PHEX: variants seen among roughly 807,000 people sequenced by gnomAD.
PHEX encodes the protein phosphate-regulating neutral endopeptidase PHEX.
A neutral mutation model predicts 68.0 loss-of-function variants in PHEX; 16 were observed. That is an observed-to-expected ratio of 0.24 (90% CI 0.16 to 0.36). The LOEUF (loss-of-function observed/expected upper bound fraction) is 0.36. PHEX is among the 10% of genes least tolerant of loss of function. The pLI is 1.00. For synonymous variants in PHEX, 208 were observed against 205.1 expected (o/e 1.01, Z -0.12); for missense variants, 480 against 575.5 (o/e 0.83, Z 1.70).
Position 22,250,437 on chromosome X carries a change from T to C in PHEX, c.*2484T>C, listed in dbSNP as rs988496330. Reference sequence around the variant, plus strand: ...GGAGAGCCATGAAGTTTTACAAAAATAATTATGGTAAATTAAAAGGATATT... The same window carrying C: ...GGAGAGCCATGAAGTTTTACAAAAACAATTATGGTAAATTAAAAGGATATT... On this transcript the variant is annotated 3_prime_UTR_variant, in exon 22 of 22. Coordinates refer to ENST00000379374, the MANE Select transcript of PHEX (RefSeq NM_000444.6). 9.0e-6 allele frequency: 1 copy of C among 111,713 alleles called. No individual in the cohort carries two copies. 9.2% of individuals were successfully genotyped at this position (111,713 alleles called of 1,213,427 possible). A position where few individuals can be genotyped will look rare whatever the true frequency, so the allele number is the denominator to read the frequency against.
intron 11 of PHEX, among the ~76,000 whole-genome samples, chrX:22,131,996 G>A (rs776430803): frequency 1.8e-5 from 2 of 112,273 alleles, no homozygotes; most frequent in Admixed American, 9.4e-5. Context: ...AGCCAGGCAC[G>A]TACATCCTCA....
intron 3 of PHEX, among the ~76,000 whole-genome samples, chrX:22,060,487 T>C (rs1009169567): frequency 2.7e-5 from 3 of 111,562 alleles, no homozygotes; most frequent in Admixed American, 9.6e-5. Context: ...ATAAGAGATG[T>C]TGAAATCCAT....
At position 22,033,130 on chromosome X, in the gene PHEX, G is replaced by T. The variant is rs534550003; in HGVS notation, c.118+7G>T. On this transcript the variant is annotated splice_region_variant and intron_variant, in intron 1 of 21. Coordinates refer to ENST00000379374, the MANE Select transcript of PHEX (RefSeq NM_000444.6). ...GGCACGATCCTCTTTCTAGGTAAGTGGAGTGCAGGAGGCCGGGGGAACTGG... is the reference window on the plus strand; with the variant it reads ...GGCACGATCCTCTTTCTAGGTAAGTTGAGTGCAGGAGGCCGGGGGAACTGG... The T allele has an allele frequency of 2.2e-3, 2,507 of 1,114,736 alleles. 37 individuals carry two copies. The South Asian group carries it at 0.043, about 19-fold the overall frequency. The allele number at this position is 1,114,736 out of a possible 1,213,427, so 91.9% of individuals were successfully genotyped here.
intron 3 of PHEX, among the ~76,000 whole-genome samples, chrX:22,061,356 ACCCCC>A (rs1928354992): frequency 2.7e-5 from 3 of 111,357 alleles, no homozygotes; most frequent in African/African-American, 9.8e-5. Flanking sequence ...CTATGCTCTC[ACCCCC>A]AATTCTGAGA....
At chrX:22,177,882 G>A (rs1302822098) in intron 13 of PHEX, among the ~76,000 whole-genome samples, 3 of 111,827 alleles carry the variant, frequency 2.7e-5, no homozygotes, top group African/African-American at 9.8e-5. Context: ...AAAAACTTAC[G>A]TGACAAATTA....
At chrX:22,134,245 G>A (rs1932137671) in intron 12 of PHEX, among the ~76,000 whole-genome samples, 1 of 112,113 alleles carries the variant, frequency 8.9e-6, no homozygotes, top group Non-Finnish European at 1.9e-5. Context: ...CTGATACTAT[G>A]CGACACGATA....
chrX:22,096,433 G>A (rs1930138253), intron 7 of PHEX, among the ~76,000 whole-genome samples: 1 of 111,879 alleles, frequency 8.9e-6, no homozygotes, highest in Non-Finnish European at 1.9e-5. Flanking sequence ...CCAGCAATGG[G>A]GCTAGGGAAA....
chrX:22,177,165 A>G (rs1237629008), intron 13 of PHEX, among the ~76,000 whole-genome samples: 1 of 111,752 alleles, frequency 8.9e-6, no homozygotes, highest in Non-Finnish European at 1.9e-5. Context: ...TGAGCCAGAC[A>G]TTGGTCAACA....
chrX:22,110,367 CAAAT>C (rs1030531892), intron 9 of PHEX, among the ~76,000 whole-genome samples: 2 of 112,319 alleles, frequency 1.8e-5, no homozygotes, highest in African/African-American at 6.5e-5. Flanking sequence ...TTAAGAAAGA[CAAAT>C]AAAAGCAAGT....
chrX:22,044,939 C>G (rs941465218), intron 2 of PHEX, among the ~76,000 whole-genome samples: 1 of 109,058 alleles, frequency 9.2e-6, no homozygotes, highest in East Asian at 2.8e-4. Flanking sequence ...CTCAAGTGAT[C>G]TGCCCACCTC....
At chrX:22,149,089 C>A (rs761107329) in intron 12 of PHEX, among the ~76,000 whole-genome samples, 3 of 111,839 alleles carry the variant, frequency 2.7e-5, no homozygotes, top group Admixed American at 1.9e-4. Flanking sequence ...ATTATAGACA[C>A]CCCCTCCACT....
chrX:22,217,997 C>T (rs752056810), intron 16 of PHEX, among the ~76,000 whole-genome samples: 17 of 110,191 alleles, frequency 1.5e-4, no homozygotes, highest in South Asian at 8.0e-4. Flanking sequence ...TGGTGCTGGC[C>T]GGGGTCGCTC....
At chrX:22,205,829 C>T (rs940245466) in intron 15 of PHEX, among the ~76,000 whole-genome samples, 3 of 111,645 alleles carry the variant, frequency 2.7e-5, no homozygotes, top group Non-Finnish European at 3.8e-5. Flanking sequence ...GTAAAGTGAA[C>T]GCAACAATGA....
At position 22,226,515 on chromosome X, in the gene PHEX, G is replaced by A. The variant is rs369774046; in HGVS notation, c.1965+7G>A. On this transcript the variant is annotated splice_region_variant and intron_variant, in intron 19 of 21. Transcript: ENST00000379374. Reference sequence around the variant, plus strand: ...CCTGCGGGAAGCTTTTAGGGTATGCGCTGCTACATTTACCGTGGTTCTAAA... The same window carrying A: ...CCTGCGGGAAGCTTTTAGGGTATGCACTGCTACATTTACCGTGGTTCTAAA... The A allele has an allele frequency of 2.1e-5, 25 of 1,182,651 alleles. 1 individual carries two copies. Among genetic ancestry groups the A allele is most frequent in the Middle Eastern group, 4.6e-4 (2 of 4,315 alleles).
chrX:22,193,862 C>G (rs1224122106), intron 15 of PHEX, among the ~76,000 whole-genome samples: 3 of 112,218 alleles, frequency 2.7e-5, no homozygotes, highest in Admixed American at 9.4e-5. Context: ...AGCTGGTGTT[C>G]CAAAGTACAG....
chrX:22,107,535 G>A (rs768366497), intron 9 of PHEX, among the ~76,000 whole-genome samples: 1 of 111,743 alleles, frequency 8.9e-6, no homozygotes, highest in East Asian at 2.8e-4. Context: ...AGTGTGGCTG[G>A]CCTTTCTGCC....
intron 18 of PHEX, 26 bp downstream of exon 18, chrX:22,221,769 G>T: frequency 8.4e-7 from 1 of 1,184,392 alleles, no homozygotes; most frequent in Non-Finnish European, 1.1e-6. Context: ...GCTAAGGGGG[G>T]CACCTTGTGG....
At position 22,194,752 on chromosome X, in the gene PHEX, T is replaced by A. The variant is rs148780915; in HGVS notation, c.1645+4250T>A. 6.9e-3 allele frequency among the ~76,000 whole-genome samples: 771 copies of A among 112,395 alleles called. 4 individuals are homozygous for A. Among genetic ancestry groups the A allele is most frequent in the African/African-American group, 0.024 (733 of 30,976 alleles). On this transcript the variant is annotated intron_variant, in intron 15 of 21. Transcript: ENST00000379374. ...CCTATGATTTGTGGCCATCTTTCAA[T>A]GTTAGATTTTTACAGGGTGGTTACA...
chrX:22,128,140 C>T (rs921621354), intron 11 of PHEX, among the ~76,000 whole-genome samples: 2 of 111,163 alleles, frequency 1.8e-5, no homozygotes, highest in African/African-American at 6.5e-5. Context: ...CTCACTGCAA[C>T]CTCCGCCTCG....
Sources: allele counts gnomAD v4.1 joint callset (sites outside exome capture counted in the v4.1 genomes callset), GRCh38; gene constraint gnomAD v4.1.1; transcripts MANE v1.5; gene names NCBI Gene and HGNC (gene_info 2026-07-23, HGNC 2026-07-21).